Variants in GALNTL5 observed in about 807,000 individuals in gnomAD.
GALNTL5 encodes polypeptide N-acetylgalactosaminyltransferase like 5, also known as inactive polypeptide N-acetylgalactosaminyltransferase-like protein 5.
GALNTL5 carries 44 observed loss-of-function variants against 51.0 expected under a neutral mutation model. The ratio of observed to expected loss-of-function variants is 0.86; its 90% CI spans 0.68 to 1.11. The LOEUF (loss-of-function observed/expected upper bound fraction) is 1.11, where lower values mean the gene tolerates loss of function less well. Ranked by LOEUF, GALNTL5 falls within the 50% of genes least tolerant of loss-of-function variation. The pLI, the probability that GALNTL5 is intolerant of heterozygous loss-of-function variation, is 0.00. For synonymous variants in GALNTL5, 192 were observed against 182.8 expected, an observed-to-expected ratio of 1.05 and a Z score of -0.41; for missense variants, 528 against 531.8, an observed-to-expected ratio of 0.99 and a Z score of 0.07.
At chr7:151,978,229 A>G (rs1257534186) in intron 3 of GALNTL5, among the ~76,000 whole-genome samples, 1 of 152,234 alleles carries the variant, frequency 6.6e-6, no homozygotes, top group African/African-American at 2.4e-5. Flanking sequence ...TAATTTCTAT[A>G]TAATTTACAA....
rs562195149 is a variant in GALNTL5 at position 152,013,505 on chromosome 7, TC to T, written c.1027-1138del. The stretch of plus-strand genomic sequence containing the variant: ...TAATCCATTGTATCGCTAAAGTGGT[TC>T]TTCTAGGCTTAGCCAGAATAGCTGA... On this transcript the variant is annotated intron_variant, in intron 7 of 8. Transcript: ENST00000392800. Among the ~76,000 whole-genome samples the T allele has an allele frequency of 4.2e-3, 645 of 152,330 alleles. 1 individual carries two copies. Among genetic ancestry groups the T allele is most frequent in the Non-Finnish European group, 6.5e-3 (445 of 68,032 alleles).
chr7:151,967,150 G>T (rs1563002054), intron 1 of GALNTL5, 58 bp from the exon 2 acceptor site: 1 of 1,099,218 alleles, frequency 9.1e-7, no homozygotes, highest in Non-Finnish European at 1.3e-6. Context: ...AGCCAAGTAG[G>T]TGATCTACAA....
intron 7 of GALNTL5, among the ~76,000 whole-genome samples, chr7:152,012,902 G>T (rs1050847390): frequency 2.6e-5 from 4 of 151,942 alleles, no homozygotes; most frequent in African/African-American, 9.7e-5. Flanking sequence ...GGATGGCGGG[G>T]CATCCAGGCT....
intron 3 of GALNTL5, among the ~76,000 whole-genome samples, chr7:151,980,433 T>G (rs963264454): frequency 2.0e-5 from 3 of 152,166 alleles, no homozygotes; most frequent in African/African-American, 7.2e-5. Flanking sequence ...CACTCACCGT[T>G]ACAGACCCAA....
intron 2 of GALNTL5, 91 bp downstream of exon 2, chr7:151,967,584 T>A (rs1272378559): frequency 2.9e-6 from 3 of 1,050,836 alleles, no homozygotes; most frequent in Non-Finnish European, 4.2e-6. Flanking sequence ...CTATCCTTTT[T>A]AAAGCAATTT....
chr7:151,979,704 A>C (rs1005928456), intron 3 of GALNTL5, among the ~76,000 whole-genome samples: 20 of 150,838 alleles, frequency 1.3e-4, no homozygotes, highest in Middle Eastern at 3.5e-3. Flanking sequence ...TGATCCGCCC[A>C]CCTTGGCCTC....
At chr7:152,000,023 A>C (rs2151955394) in intron 5 of GALNTL5, among the ~76,000 whole-genome samples, 1 of 152,384 alleles carries the variant, frequency 6.6e-6, no homozygotes, top group Admixed American at 6.5e-5. Flanking sequence ...GAGAGACTTG[A>C]TATGAATTCA....
intron 6 of GALNTL5, 92 bp downstream of exon 6, chr7:152,003,055 G>A (rs2151957127): frequency 9.0e-7 from 1 of 1,111,720 alleles, no homozygotes; most frequent in South Asian, 1.5e-5. Context: ...TCAAGTTCTT[G>A]GGCTTAATCA....
intron 6 of GALNTL5, among the ~76,000 whole-genome samples, chr7:152,006,753 C>G (rs953929308): frequency 2.6e-5 from 4 of 151,872 alleles, no homozygotes; most frequent in African/African-American, 9.7e-5. Flanking sequence ...TGAATGTAAA[C>G]TTGTGATTAT....
Position 152,014,751 on chromosome 7 carries a change from T to A in GALNTL5, c.1134T>A (p.His378Gln). Residue 378 changes from histidine (H) to glutamine (Q), a missense_variant, in exon 8 of 9, where the codon CAT (histidine) becomes CAA (glutamine). By Grantham distance (24) the His-to-Gln change is conservative (BLOSUM62 0). Transcript: ENST00000392800. ...KPSTIISAMT[H>Q]NYLRLVHVWL... ...CTACAATCATCAGTGCTATGACACA[T>A]AACTACCTAAGACTGGTGCACGTTT... 6.2e-7 allele frequency: 1 copy of A among 1,613,792 alleles called. No individual in the cohort carries two copies. Among genetic ancestry groups the A allele is most frequent in the Non-Finnish European group, 8.5e-7 (1 of 1,179,890 alleles).
intron 1 of GALNTL5, among the ~76,000 whole-genome samples, chr7:151,963,249 T>G (rs2081014211): frequency 6.6e-6 from 1 of 152,260 alleles, no homozygotes; most frequent in African/African-American, 2.4e-5. Flanking sequence ...CATTTTTCTC[T>G]CATCACTTTG....
chr7:151,957,064 G>A (rs2080934054), intron 1 of GALNTL5, among the ~76,000 whole-genome samples: 1 of 151,406 alleles, frequency 6.6e-6, no homozygotes, highest in Admixed American at 6.6e-5. Flanking sequence ...TCCAGCTCCT[G>A]GGAGGCTAAG....
At position 152,002,795 on chromosome 7, in the gene GALNTL5, A is replaced by G; in HGVS notation, c.740A>G (p.Asp247Gly). 1 of 1,614,144 alleles carries G rather than the reference A, an allele frequency of 6.2e-7. No homozygotes were observed. Among genetic ancestry groups the G allele is most frequent in the East Asian group, 2.2e-5 (1 of 44,870 alleles). Residue 247 changes from aspartate (D) to glycine (G), a missense_variant, in exon 6 of 9, where the codon GAC becomes GGC. Coordinates refer to ENST00000392800, the MANE Select transcript of GALNTL5 (RefSeq NM_145292.4). The part of the protein sequence containing the change: ...LEPLLHAIAK[D>G]PKMVVCPLID... ...CCCCTGCTGCATGCCATTGCCAAGG[A>G]CCCCAAAATGGTGGTGTGCCCCCTG...
At chr7:152,012,238 G>A (rs2151961090) in intron 7 of GALNTL5, among the ~76,000 whole-genome samples, 1 of 152,308 alleles carries the variant, frequency 6.6e-6, no homozygotes, top group Non-Finnish European at 1.5e-5. Flanking sequence ...TGAGGGACAA[G>A]GACTGAGCTG....
At chr7:151,981,628 TCCTC>T (rs2081291685) in intron 3 of GALNTL5, among the ~76,000 whole-genome samples, 1 of 118,182 alleles carries the variant, frequency 8.5e-6, no homozygotes, top group African/African-American at 3.2e-5. Context: ...CTTCCTTCCT[TCCTC>T]CCTTTCTCTC....
At chr7:151,994,449 C>T (rs2151952618) in intron 5 of GALNTL5, among the ~76,000 whole-genome samples, 1 of 152,232 alleles carries the variant, frequency 6.6e-6, no homozygotes, top group East Asian at 1.9e-4. Context: ...CAAAGCGACG[C>T]TGTCTCTCCA....
At chr7:151,969,791 A>G (rs1444490158) in intron 2 of GALNTL5, among the ~76,000 whole-genome samples, 1 of 152,092 alleles carries the variant, frequency 6.6e-6, no homozygotes, top group African/African-American at 2.4e-5. Flanking sequence ...AAGCTAAACA[A>G]AACTAAATTT....
intron 3 of GALNTL5, 79 bp from the exon 4 acceptor site, chr7:151,982,904 TAAG>T: frequency 6.2e-7 from 1 of 1,610,096 alleles, no homozygotes; most frequent in Non-Finnish European, 8.5e-7. Context: ...AAGATGCAAA[TAAG>T]GAGAAGTGTT....
chr7:151,969,389 A>C (rs1470401903), intron 2 of GALNTL5, among the ~76,000 whole-genome samples: 2 of 152,162 alleles, frequency 1.3e-5, no homozygotes, highest in Admixed American at 6.5e-5. Flanking sequence ...TTCCATATGG[A>C]TATTGTGAGA....
Sources: allele counts gnomAD v4.1 joint callset (sites outside exome capture counted in the v4.1 genomes callset), GRCh38; gene constraint gnomAD v4.1.1; transcripts MANE v1.5; gene names NCBI Gene and HGNC (gene_info 2026-07-23, HGNC 2026-07-21).